Variants in UNC5C observed in about 807,000 individuals in gnomAD.
UNC5C encodes the protein netrin receptor UNC5C.
UNC5C carries 47 observed loss-of-function variants against 99.8 expected under a neutral mutation model. The ratio of observed to expected loss-of-function variants is 0.47; its 90% CI spans 0.37 to 0.60. The LOEUF (loss-of-function observed/expected upper bound fraction) is 0.60, where lower values mean the gene tolerates loss of function less well. UNC5C is among the 20% of genes least tolerant of loss of function. The probability of loss-of-function intolerance (pLI) is 0.00; values close to 1 mark genes in which losing one functional copy is unlikely to be tolerated. For synonymous variants in UNC5C, 487 were observed against 452.2 expected (o/e 1.08, Z -0.98); for missense variants, 1,062 against 1,165.9 (o/e 0.91, Z 1.30).
In UNC5C at chr4:95,214,960, G is replaced by A. The variant is rs759888214; in HGVS notation, c.1733+1164C>T. ...ATACAAGCCTTTTAGTGATTTTTCTGTTGCTCAAATTTAAGGCATGAATAA... is the reference window on the plus strand; with the variant it reads ...ATACAAGCCTTTTAGTGATTTTTCTATTGCTCAAATTTAAGGCATGAATAA... On this transcript the variant is annotated intron_variant, in intron 10 of 15. Coordinates refer to ENST00000453304, the MANE Select transcript of UNC5C (RefSeq NM_003728.4). Among the ~76,000 whole-genome samples the A allele has an allele frequency of 2.0e-5, 3 of 152,228 alleles. No homozygotes were observed. In the East Asian group the frequency reaches 5.8e-4, roughly 29 times the overall value.
intron 1 of UNC5C, among the ~76,000 whole-genome samples, chr4:95,380,155 T>C (rs1318454234): frequency 6.6e-6 from 1 of 152,222 alleles, no homozygotes; most frequent in Non-Finnish European, 1.5e-5. Context: ...GAATCAATCA[T>C]ATTTTGTCCC....
chr4:95,443,456 A>G (rs1485065540), intron 1 of UNC5C, among the ~76,000 whole-genome samples: 2 of 152,194 alleles, frequency 1.3e-5, no homozygotes, highest in Non-Finnish European at 2.9e-5. Flanking sequence ...GATTTCTTCA[A>G]ATGACTGAGG....
chr4:95,271,328 C>G (rs905738484), intron 4 of UNC5C, among the ~76,000 whole-genome samples: 2 of 151,708 alleles, frequency 1.3e-5, no homozygotes, highest in Non-Finnish European at 2.9e-5. Context: ...CCTGGGTTCA[C>G]GCCATTCTCC....
At chr4:95,328,576 TA>T (rs1742992662) in intron 2 of UNC5C, among the ~76,000 whole-genome samples, 1 of 143,308 alleles carries the variant, frequency 7.0e-6, no homozygotes, top group African/African-American at 2.5e-5. Flanking sequence ...TTTGGGTATA[TA>T]CCCAGTAATG....
chr4:95,315,703 T>G (rs1742450471), intron 2 of UNC5C, among the ~76,000 whole-genome samples: 1 of 152,186 alleles, frequency 6.6e-6, no homozygotes, highest in Admixed American at 6.5e-5. Context: ...TAGTAAATAA[T>G]ATTTTGCAAT....
intron 1 of UNC5C, among the ~76,000 whole-genome samples, chr4:95,400,500 T>C (rs923265344): frequency 2.7e-5 from 4 of 150,884 alleles, no homozygotes; most frequent in African/African-American, 4.9e-5. Flanking sequence ...TCATGCCATT[T>C]TCCTGCCTCA....
intron 4 of UNC5C, among the ~76,000 whole-genome samples, chr4:95,270,370 TA>T (rs1230300977): frequency 1.3e-5 from 2 of 152,176 alleles, no homozygotes; most frequent in Admixed American, 6.5e-5. Context: ...TTTTGTGCTT[TA>T]AAAAAAATGT....
intron 3 of UNC5C, among the ~76,000 whole-genome samples, chr4:95,278,809 G>A (rs185459577): frequency 8.7e-4 from 132 of 152,230 alleles, no homozygotes; most frequent in Non-Finnish European, 1.4e-3. Context: ...CATGTTGTTA[G>A]CACTTTACTA....
chr4:95,335,387 T>C, intron 2 of UNC5C, 23 bp downstream of exon 2: 1 of 1,595,044 alleles, frequency 6.3e-7, no homozygotes, highest in Non-Finnish European at 8.6e-7. Context: ...TGAAGTGCAA[T>C]GCAAATGCAA....
intron 10 of UNC5C, among the ~76,000 whole-genome samples, chr4:95,207,554 C>G (rs1174335346): frequency 6.6e-6 from 1 of 152,058 alleles, no homozygotes; most frequent in Non-Finnish European, 1.5e-5. Context: ...GATATAGTTC[C>G]AAAGGTATTG....
At chr4:95,424,513 C>CTTTTTTTTTTTTT (rs1746409640) in intron 1 of UNC5C, among the ~76,000 whole-genome samples, 4 of 85,026 alleles carry the variant, frequency 4.7e-5, no homozygotes, top group East Asian at 1.1e-3. Flanking sequence ...TTTTTTTTTT[C>CTTTTTTTTTTTTT]TTTTCTTTTT....
intron 1 of UNC5C, among the ~76,000 whole-genome samples, chr4:95,475,288 C>T (rs532565338): frequency 7.9e-5 from 12 of 152,072 alleles, no homozygotes; most frequent in Admixed American, 2.6e-4. Flanking sequence ...TGTGAGAACA[C>T]GGAATCTGAA....
intron 1 of UNC5C, among the ~76,000 whole-genome samples, chr4:95,411,375 GAA>G (rs771952587): frequency 6.8e-4 from 104 of 152,156 alleles, no homozygotes; most frequent in Non-Finnish European, 1.3e-3. Flanking sequence ...ATTTTAAAGA[GAA>G]AGTTATCTTC....
At chr4:95,514,398 C>A (rs1421718639) in intron 1 of UNC5C, among the ~76,000 whole-genome samples, 1 of 151,858 alleles carries the variant, frequency 6.6e-6, no homozygotes, top group Admixed American at 6.6e-5. Context: ...GACCAATTTA[C>A]AAAATTTTAT....
chr4:95,409,318 A>C (rs1745913550), intron 1 of UNC5C, among the ~76,000 whole-genome samples: 1 of 152,192 alleles, frequency 6.6e-6, no homozygotes, highest in Non-Finnish European at 1.5e-5. Flanking sequence ...TTTCCTGTCT[A>C]ATCTTTGCAC....
intron 1 of UNC5C, among the ~76,000 whole-genome samples, chr4:95,368,289 T>C (rs1744634067): frequency 8.0e-6 from 1 of 124,466 alleles, no homozygotes; most frequent in Admixed American, 8.7e-5. Context: ...TTTTATAACA[T>C]CTTTTTTGAA....
intron 1 of UNC5C, among the ~76,000 whole-genome samples, chr4:95,429,844 T>C (rs572580041): frequency 6.6e-6 from 1 of 152,182 alleles, no homozygotes; most frequent in African/African-American, 2.4e-5. Flanking sequence ...AAATGAGCTA[T>C]CAAGCCTTGT....
chr4:95,362,538 G>A (rs1744426128), intron 1 of UNC5C, among the ~76,000 whole-genome samples: 1 of 152,150 alleles, frequency 6.6e-6, no homozygotes. Flanking sequence ...GGAGCCAGAT[G>A]GGTCTAATTC....
chr4:95,351,226 T>A (rs7440986), intron 1 of UNC5C, among the ~76,000 whole-genome samples: 2 of 151,816 alleles, frequency 1.3e-5, no homozygotes, highest in African/African-American at 2.4e-5. Context: ...TTCTTCCCCA[T>A]GAGATGGCAT....
Sources: gnomAD v4.1 joint callset for allele counts (sites outside exome capture counted in the v4.1 genomes callset) on GRCh38, gnomAD v4.1.1 for gene constraint, MANE v1.5 for transcripts, NCBI Gene and HGNC (gene_info 2026-07-23, HGNC 2026-07-21) for gene names.